Variants in NAA35 observed in about 807,000 individuals in gnomAD.
NAA35 encodes the protein MAK10 homolog, amino-acid N-acetyltransferase subunit.
NAA35 carries 18 observed loss-of-function variants against 101.7 expected under a neutral mutation model. That is an observed-to-expected ratio of 0.18 (90% confidence interval 0.12 to 0.26). The LOEUF is 0.26. Among genes scored for constraint, NAA35 ranks in the 10% least tolerant of loss-of-function variants. The pLI, the probability that NAA35 is intolerant of heterozygous loss-of-function variation, is 1.00. For missense variants in NAA35, 601 were observed against 886.8 expected (o/e 0.68, Z 4.09); for synonymous variants, 267 against 273.1 (o/e 0.98, Z 0.22).
chr9:85,994,044 G>A (rs534654559), intron 11 of NAA35, among the ~76,000 whole-genome samples: 75 of 151,748 alleles, frequency 4.9e-4, no homozygotes, highest in Middle Eastern at 6.8e-3. Flanking sequence ...TATTAGATAC[G>A]TAGATTTGTA....
intron 11 of NAA35, among the ~76,000 whole-genome samples, chr9:85,989,363 C>T (rs1255768451): frequency 9.2e-5 from 14 of 151,882 alleles, no homozygotes; most frequent in Non-Finnish European, 1.3e-4. Context: ...CCCAGCTGCT[C>T]GGGAGGTTGA....
Position 85,956,391 on chromosome 9 carries a change from G to C in NAA35, c.156G>C (p.Lys52Asn), listed in dbSNP as rs370006365. 7.1e-7 allele frequency: 1 copy of C among 1,407,936 alleles called. No homozygotes were observed. The highest frequency in any genetic ancestry group is 9.6e-7 in the Non-Finnish European group (1 of 1,040,038). The allele number at this position is 1,407,936 out of a possible 1,614,324, so 87.2% of individuals were successfully genotyped here. A position where few individuals can be genotyped will look rare whatever the true frequency, so the allele number is the denominator to read the frequency against. ...AGTTGGGAGAACTACTTCATGATAAGCTGTAAGTATTTATCCTTTGAAAAT... is the reference window on the plus strand; with the variant it reads ...AGTTGGGAGAACTACTTCATGATAACCTGTAAGTATTTATCCTTTGAAAAT... ...ELKLGELLHD[K>N]LFGLFEAMSA... The change falls in exon 3 of 23, where the codon AAG becomes AAC. Residue 52 changes from lysine to asparagine, a missense_variant and splice_region_variant. Around this residue, in one of 8 missense-constraint regions of NAA35, gnomAD observed 67 missense variants for 62.4 expected, o/e 1.07. Coordinates refer to ENST00000361671, the MANE Select transcript of NAA35 (RefSeq NM_024635.4).
chr9:85,967,262 T>TTA (rs1218490535), intron 6 of NAA35, among the ~76,000 whole-genome samples: 4 of 152,186 alleles, frequency 2.6e-5, no homozygotes, highest in Admixed American at 2.0e-4. Flanking sequence ...GAGTATGTAG[T>TTA]TATTAACATG....
At chr9:85,961,186 A>T (rs1182417374) in intron 5 of NAA35, among the ~76,000 whole-genome samples, 2 of 152,210 alleles carry the variant, frequency 1.3e-5, no homozygotes, top group African/African-American at 4.8e-5. Context: ...AATACCAAAT[A>T]CACACCTTAA....
At position 86,018,573 on chromosome 9, in the gene NAA35, TG is replaced by T. The variant is rs1259820321; in HGVS notation, c.1915-125del. The T allele has an allele frequency of 2.0e-5, 27 of 1,355,526 alleles. No individual in the cohort carries two copies. The Admixed American group carries it at 4.1e-4, about 21-fold the overall frequency. The allele number at this position is 1,355,526 out of a possible 1,614,324, so 84.0% of individuals were successfully genotyped here. On this transcript the variant is annotated intron_variant, in intron 20 of 22. Coordinates refer to ENST00000361671, the MANE Select transcript of NAA35 (RefSeq NM_024635.4). ...CCTAGGAAAAAATAGGGAGATGTGC[TG>T]AATGTTTGCCCCAGTGTCTGTGTAT... is the stretch of plus-strand genomic sequence containing the variant.
chr9:85,980,658 G>A (rs1305987399), intron 11 of NAA35, among the ~76,000 whole-genome samples: 1 of 152,064 alleles, frequency 6.6e-6, no homozygotes, highest in African/African-American at 2.4e-5. Context: ...CTCTCTTCTT[G>A]TGTATTGCCA....
At chr9:86,005,806 C>T (rs1831613081) in intron 13 of NAA35, among the ~76,000 whole-genome samples, 1 of 151,760 alleles carries the variant, frequency 6.6e-6, no homozygotes, top group Non-Finnish European at 1.5e-5. Context: ...TATTCAAATT[C>T]AACATGGTAA....
At chr9:86,018,553 GAA>G in intron 20 of NAA35, 144 bp from the exon 21 acceptor site, 1 of 1,312,282 alleles carries the variant, frequency 7.6e-7, no homozygotes, top group Non-Finnish European at 1.0e-6. Context: ...TATTACCTAG[GAA>G]AAAATAGGGA....
At chr9:85,971,663 T>C (rs1830004772) in intron 6 of NAA35, among the ~76,000 whole-genome samples, 1 of 152,114 alleles carries the variant, frequency 6.6e-6, no homozygotes, top group African/African-American at 2.4e-5. Flanking sequence ...AAAATTATAC[T>C]TCATTTCTGC....
intron 8 of NAA35, among the ~76,000 whole-genome samples, chr9:85,975,372 G>C (rs1324219991): frequency 6.6e-6 from 1 of 151,976 alleles, no homozygotes; most frequent in African/African-American, 2.4e-5. Flanking sequence ...ACAAATTAAT[G>C]TCATTTTCAA....
chr9:85,949,605 A>T (rs1260449256), intron 2 of NAA35, among the ~76,000 whole-genome samples: 1 of 151,532 alleles, frequency 6.6e-6, no homozygotes, highest in Non-Finnish European at 1.5e-5. Context: ...TTTCTTTCCT[A>T]TTTTTTATGT....
intron 22 of NAA35, among the ~76,000 whole-genome samples, chr9:86,021,503 C>G (rs1478536746): frequency 1.3e-5 from 2 of 152,156 alleles, no homozygotes; most frequent in East Asian, 3.9e-4. Flanking sequence ...TTCCTGTGAT[C>G]TGCCTTCCTC....
intron 2 of NAA35, among the ~76,000 whole-genome samples, chr9:85,944,997 C>A (rs1828695226): frequency 6.6e-6 from 1 of 152,204 alleles, no homozygotes; most frequent in African/African-American, 2.4e-5. Context: ...TATATACATT[C>A]TCTACTTGTT....
intron 10 of NAA35, 131 bp from the exon 11 acceptor site, chr9:85,978,136 G>A: frequency 1.6e-6 from 1 of 627,148 alleles, no homozygotes; most frequent in Non-Finnish European, 2.9e-6. Flanking sequence ...TGTATTAAGT[G>A]CATAGTTTAT....
intron 10 of NAA35, 141 bp downstream of exon 10, chr9:85,977,587 G>C (rs1830269254): frequency 2.0e-6 from 1 of 501,536 alleles, no homozygotes; most frequent in Non-Finnish European, 3.5e-6. Flanking sequence ...ATTTATACCA[G>C]TGTAACACTG....
chr9:85,976,578 A>G (rs376751335), intron 8 of NAA35, 107 bp from the exon 9 acceptor site: 1 of 761,200 alleles, frequency 1.3e-6, no homozygotes, highest in African/African-American at 1.8e-5. Context: ...TATTTTCCCC[A>G]AAAACAGATT....
At chr9:86,010,305 GCTTTTTTT>G (rs1831844627) in intron 15 of NAA35, among the ~76,000 whole-genome samples, 2 of 151,894 alleles carry the variant, frequency 1.3e-5, no homozygotes, top group Non-Finnish European at 2.9e-5. Flanking sequence ...CAGTGTCTGT[GCTTTTTTT>G]CATCTAATAT....
At chr9:85,965,234 A>T (rs1587584629) in intron 6 of NAA35, among the ~76,000 whole-genome samples, 2 of 152,370 alleles carry the variant, frequency 1.3e-5, no homozygotes. Context: ...GTGTACAAGG[A>T]TATTACTTAC....
chr9:85,982,800 A>G (rs1431771014), intron 11 of NAA35, among the ~76,000 whole-genome samples: 3 of 152,230 alleles, frequency 2.0e-5, no homozygotes, highest in Non-Finnish European at 4.4e-5. Context: ...CTTTCAAGGC[A>G]TAATTGATAA....
Sources: allele counts gnomAD v4.1 joint callset (sites outside exome capture counted in the v4.1 genomes callset), GRCh38; gene constraint gnomAD v4.1.1; regional missense constraint gnomAD v4.1.1; transcripts MANE v1.5; gene names NCBI Gene and HGNC (gene_info 2026-07-23, HGNC 2026-07-21).